NTM: variants seen among roughly 807,000 people sequenced by gnomAD.
NTM encodes neurotrimin.
NTM carries 13 observed loss-of-function variants against 42.1 expected under a neutral mutation model. That is an observed-to-expected ratio of 0.31 (90% CI 0.20 to 0.49). The LOEUF (loss-of-function observed/expected upper bound fraction) is 0.49. Ranked by LOEUF, NTM falls within the 20% of genes least tolerant of loss-of-function variation. NTM has a pLI of 0.99. For synonymous variants in NTM, 187 were observed against 179.2 expected (o/e 1.04, Z -0.35); for missense variants, 373 against 452.8 (o/e 0.82, Z 1.60).
chr11:131,590,144 T>C (rs749331147), intron 1 of NTM, among the ~76,000 whole-genome samples: 1 of 152,186 alleles, frequency 6.6e-6, no homozygotes, highest in Non-Finnish European at 1.5e-5. Context: ...GGGAGGCTCA[T>C]TCTCATGGAG....
At chr11:131,442,192 G>A (rs575552342) in intron 1 of NTM, among the ~76,000 whole-genome samples, 5 of 152,334 alleles carry the variant, frequency 3.3e-5, no homozygotes, top group South Asian at 2.1e-4. Flanking sequence ...ATGGGAACCC[G>A]TGATTGTGGC....
rs2043681740 is a variant in NTM at position 131,837,627 on chromosome 11, T to C, written c.83-73937T>C. On this transcript the variant is annotated intron_variant, in intron 1 of 8. Transcript: ENST00000683400. ...TTGGCCTGGGTGGTCCCGGATCCTC[T>C]GTTTGAAGGTGTCCTAGACAAGCCC... Among the ~76,000 whole-genome samples the C allele has an allele frequency of 2.6e-5, 4 of 152,202 alleles. No homozygotes were observed. The South Asian group carries it at 8.3e-4, about 31-fold the overall frequency.
At chr11:131,628,869 G>C (rs1315793621) in intron 1 of NTM, among the ~76,000 whole-genome samples, 2 of 152,248 alleles carry the variant, frequency 1.3e-5, no homozygotes, top group African/African-American at 2.4e-5. Context: ...TGTCCAGTTG[G>C]GGTGATGGGC....
intron 2 of NTM, among the ~76,000 whole-genome samples, chr11:131,990,811 TCTC>T (rs1214670893): frequency 6.6e-6 from 1 of 152,174 alleles, no homozygotes; most frequent in African/African-American, 2.4e-5. Flanking sequence ...CACATTTTCA[TCTC>T]CTGTGAGTCA....
At chr11:132,167,022 T>TCCATG (rs2075381152) in intron 3 of NTM, among the ~76,000 whole-genome samples, 1 of 152,216 alleles carries the variant, frequency 6.6e-6, no homozygotes, top group Non-Finnish European at 1.5e-5. Context: ...CTCCTCTCAC[T>TCCATG]TCCATCATGG....
At chr11:131,440,901 G>A (rs1040549782) in intron 1 of NTM, among the ~76,000 whole-genome samples, 1 of 135,374 alleles carries the variant, frequency 7.4e-6, no homozygotes, top group Non-Finnish European at 1.5e-5. Context: ...GCCTGAATCA[G>A]CTTGCTTCTC....
chr11:132,317,253 G>T (rs2095453146), intron 7 of NTM, among the ~76,000 whole-genome samples: 1 of 152,144 alleles, frequency 6.6e-6, no homozygotes, highest in African/African-American at 2.4e-5. Context: ...GGTGCCAGGG[G>T]CAAAAATTTC....
At chr11:131,612,386 G>C (rs980995192) in intron 1 of NTM, among the ~76,000 whole-genome samples, 1 of 152,194 alleles carries the variant, frequency 6.6e-6, no homozygotes, top group South Asian at 2.1e-4. Context: ...TAACTAATAC[G>C]CTAGTTCCAC....
intron 1 of NTM, among the ~76,000 whole-genome samples, chr11:131,836,187 T>C (rs1362636211): frequency 1.3e-5 from 2 of 152,218 alleles, no homozygotes; most frequent in Non-Finnish European, 2.9e-5. Flanking sequence ...ATTTTTTCTA[T>C]ATGTATGTAA....
chr11:132,000,481 T>A (rs926227818), intron 2 of NTM, among the ~76,000 whole-genome samples: 1 of 152,206 alleles, frequency 6.6e-6, no homozygotes, highest in Non-Finnish European at 1.5e-5. Flanking sequence ...GCCATGCAAA[T>A]GAATTACGGA....
intron 4 of NTM, among the ~76,000 whole-genome samples, chr11:132,280,740 C>A (rs1202506592): frequency 1.3e-5 from 2 of 152,146 alleles, no homozygotes; most frequent in Non-Finnish European, 2.9e-5. Flanking sequence ...CCCACCTCGG[C>A]CTCCCAAAGC....
chr11:131,885,653 A>G (rs1434509501), intron 1 of NTM, among the ~76,000 whole-genome samples: 2 of 152,158 alleles, frequency 1.3e-5, no homozygotes, highest in Non-Finnish European at 2.9e-5. Context: ...TCATTAGTTC[A>G]CAGAGGGGAA....
chr11:131,732,840 A>C (rs2079869299), intron 1 of NTM, among the ~76,000 whole-genome samples: 1 of 152,082 alleles, frequency 6.6e-6, no homozygotes, highest in African/African-American at 2.4e-5. Flanking sequence ...ATACTTTCTC[A>C]CGTGCTTTTG....
At chr11:131,569,748 T>C (rs969508660) in intron 1 of NTM, among the ~76,000 whole-genome samples, 4 of 152,144 alleles carry the variant, frequency 2.6e-5, no homozygotes, top group African/African-American at 9.7e-5. Flanking sequence ...GGCTAACTTT[T>C]AAAAAGTTTT....
chr11:131,542,741 TA>T (rs1221913445), intron 1 of NTM, among the ~76,000 whole-genome samples: 1 of 152,156 alleles, frequency 6.6e-6, no homozygotes, highest in Non-Finnish European at 1.5e-5. Context: ...CACCATTGTC[TA>T]TATCAATGCA....
chr11:131,404,233 G>T (rs928040911), intron 1 of NTM, among the ~76,000 whole-genome samples: 2 of 152,070 alleles, frequency 1.3e-5, no homozygotes, highest in African/African-American at 4.8e-5. Flanking sequence ...CCCCACTAAA[G>T]CTACTCTCAT....
chr11:131,801,041 G>T (rs2092064248), intron 1 of NTM, among the ~76,000 whole-genome samples: 2 of 152,150 alleles, frequency 1.3e-5, no homozygotes, highest in East Asian at 1.9e-4. Context: ...TGGGGCTGGG[G>T]TTAGAATTAA....
intron 1 of NTM, among the ~76,000 whole-genome samples, chr11:131,603,709 G>A (rs1481770944): frequency 6.6e-6 from 1 of 152,106 alleles, no homozygotes; most frequent in African/African-American, 2.4e-5. Context: ...ACTCAGCACT[G>A]GGCAACCGTT....
intron 2 of NTM, among the ~76,000 whole-genome samples, chr11:132,001,992 G>A (rs2853109): frequency 2.0e-5 from 3 of 152,152 alleles, no homozygotes; most frequent in Non-Finnish European, 2.9e-5. Flanking sequence ...GAGAGGTGAA[G>A]CCTCATGTGT....
Sources: allele counts gnomAD v4.1 joint callset (sites outside exome capture counted in the v4.1 genomes callset), GRCh38; gene constraint gnomAD v4.1.1; transcripts MANE v1.5; gene names NCBI Gene and HGNC (gene_info 2026-07-23, HGNC 2026-07-21).